Variants in GPR180 observed in about 807,000 individuals in gnomAD.
The protein encoded by GPR180 is integral membrane protein GPR180.
A neutral mutation model predicts 52.6 loss-of-function variants in GPR180; 53 were observed. The ratio of observed to expected loss-of-function variants is 1.01; its 90% confidence interval spans 0.81 to 1.27. The LOEUF (loss-of-function observed/expected upper bound fraction) is 1.27. Among genes scored for constraint, GPR180 ranks in the 50% most tolerant of loss-of-function variants. The pLI is 0.00. For missense variants in GPR180, 533 were observed against 527.0 expected (o/e 1.01, Z -0.11); for synonymous variants, 200 against 193.1 (o/e 1.04, Z -0.30).
At chr13:94,613,251 G>A (rs932267753) in intron 3 of GPR180, among the ~76,000 whole-genome samples, 1 of 152,156 alleles carries the variant, frequency 6.6e-6, no homozygotes, top group African/African-American at 2.4e-5. Context: ...CATAGAGTGG[G>A]GTGGGTGGAG....
At chr13:94,613,484 G>T (rs568467844) in intron 3 of GPR180, among the ~76,000 whole-genome samples, 1 of 152,192 alleles carries the variant, frequency 6.6e-6, no homozygotes, top group South Asian at 2.1e-4. Flanking sequence ...ACGGGGTCTC[G>T]CTATGTTGCC....
chr13:94,633,624 T>C lies in GPR180; in HGVS notation c.*6453T>C, dbSNP rs2138576031. ...AGAAATTGGTCATTTGTGATATGAG[T>C]CTGAACTGTGTTTCTCAATTTGTGA... On this transcript the variant is annotated 3_prime_UTR_variant, in exon 9 of 9. Transcript: ENST00000376958. The C allele has an allele frequency of 6.6e-6, 1 of 152,214 alleles. No homozygotes were observed. The allele number at this position is 152,214 out of a possible 1,614,324, so 9.4% of individuals were successfully genotyped here.
chr13:94,626,270 T>C (rs1482541285), intron 8 of GPR180, among the ~76,000 whole-genome samples: 1 of 152,154 alleles, frequency 6.6e-6, no homozygotes, highest in African/African-American at 2.4e-5. Flanking sequence ...TGTACTACAA[T>C]AGATAATTTT....
At chr13:94,621,814 T>G (rs1433684984) in intron 6 of GPR180, among the ~76,000 whole-genome samples, 1 of 152,140 alleles carries the variant, frequency 6.6e-6, no homozygotes, top group Non-Finnish European at 1.5e-5. Context: ...TATTTTCCTC[T>G]ATATTAATAG....
At position 94,619,141 on chromosome 13, in the gene GPR180, TC is replaced by T. The variant is rs764195239; in HGVS notation, c.506-8del. 1.9e-6 allele frequency: 3 copies of T among 1,603,060 alleles called. No homozygotes were observed. The Admixed American group carries it at 5.2e-5, about 28-fold the overall frequency. ...TTACTGAAGCAAACTCCCTTTCTTC[TC>T]TTCACAGGGTTACATGAGTTCTTTT... On this transcript the variant is annotated splice_region_variant and splice_polypyrimidine_tract_variant and intron_variant, in intron 3 of 8. Coordinates refer to ENST00000376958, the MANE Select transcript of GPR180 (RefSeq NM_180989.6).
At position 94,629,514 on chromosome 13, in the gene GPR180, CTGAGTA is replaced by C. The variant is rs1889966944; in HGVS notation, c.*2345_*2350del. On this transcript the variant is annotated 3_prime_UTR_variant, in exon 9 of 9. Coordinates refer to ENST00000376958, the MANE Select transcript of GPR180 (RefSeq NM_180989.6). ...TTGTGATAACCAGGCTCCCATTTAA[CTGAGTA>C]TAAGAGAGAATAAATGATTTCTCTA... The C allele has an allele frequency of 6.6e-6, 1 of 152,116 alleles. No individual in the cohort carries two copies. The highest frequency in any genetic ancestry group is 2.4e-5 in the African/African-American group (1 of 41,424). 9.4% of individuals were successfully genotyped at this position (152,116 alleles called of 1,614,324 possible). A position where few individuals can be genotyped will look rare whatever the true frequency, so the allele number is the denominator to read the frequency against.
chr13:94,620,229 A>G (rs903261822), intron 5 of GPR180, among the ~76,000 whole-genome samples: 3 of 152,138 alleles, frequency 2.0e-5, no homozygotes, highest in Admixed American at 6.6e-5. Flanking sequence ...TTCCTATTAT[A>G]ATTCCACTCT....
Position 94,617,986 on chromosome 13 carries a change from A to AAAAGATTGCAC in GPR180, c.506-1164_506-1163insAAAGATTGCAC, listed in dbSNP as rs568923026. ...TGAAATTTCTGAAAAATGGAGACTC[A>AAAAGATTGCAC]GTCAAAAGATTGCACGTGAACACAG... On this transcript the variant is annotated intron_variant, in intron 3 of 8. Coordinates refer to ENST00000376958, the MANE Select transcript of GPR180 (RefSeq NM_180989.6). Among the ~76,000 whole-genome samples, 893 of 152,328 alleles carry AAAAGATTGCAC rather than the reference A, an allele frequency of 5.9e-3. 9 individuals carry two copies. The highest frequency in any genetic ancestry group is 0.02 in the African/African-American group (827 of 41,572).
chr13:94,617,708 G>T (rs1889796429), intron 3 of GPR180, among the ~76,000 whole-genome samples: 1 of 152,034 alleles, frequency 6.6e-6, no homozygotes. Context: ...CCACATAATA[G>T]AAATATTTTC....
rs1450941988 is a variant in GPR180 at position 94,627,076 on chromosome 13, C to T, written c.1228C>T (p.Leu410=). ...VSMVILYRLF[L]SHSLYWEVSS... ...CATGGTTATTCTCTACAGACTCTTT[C>T]TGTCTCACAGTCTATACTGGGAAGT... is the stretch of plus-strand genomic sequence containing the variant. Residue 410 remains leucine (L), a synonymous_variant, in exon 9 of 9, where the codon CTG becomes TTG. Coordinates refer to ENST00000376958, the MANE Select transcript of GPR180 (RefSeq NM_180989.6). 4 of 1,611,364 alleles carry T rather than the reference C, an allele frequency of 2.5e-6. No individual in the cohort carries two copies. The Admixed American group carries it at 5.0e-5, about 20-fold the overall frequency.
At chr13:94,608,893 T>G (rs905243158) in intron 2 of GPR180, among the ~76,000 whole-genome samples, 16 of 152,188 alleles carry the variant, frequency 1.1e-4, no homozygotes, top group Admixed American at 3.3e-4. Flanking sequence ...AATTAATGTT[T>G]GAAAAATTAT....
At chr13:94,605,581 A>G (rs1218849170) in intron 2 of GPR180, 32 bp downstream of exon 2, 3 of 1,580,562 alleles carry the variant, frequency 1.9e-6, no homozygotes, top group Admixed American at 1.8e-5. Context: ...TGATCATTAG[A>G]TATAGTTTTT....
Position 94,630,072 on chromosome 13 carries a change from G to A in GPR180, c.*2901G>A, listed in dbSNP as rs917992663. The stretch of plus-strand genomic sequence containing the variant: ...TTGAGAATTGATATGATTGTTAGAA[G>A]TAGCCAGATACGAAGAGGTAATACT... On this transcript the variant is annotated 3_prime_UTR_variant, in exon 9 of 9. Coordinates refer to ENST00000376958, the MANE Select transcript of GPR180 (RefSeq NM_180989.6). 1.3e-5 allele frequency: 2 copies of A among 152,224 alleles called. No individual in the cohort carries two copies. Among genetic ancestry groups the A allele is most frequent in the African/African-American group, 2.4e-5 (1 of 41,468 alleles). The allele number at this position is 152,224 out of a possible 1,614,324, so 9.4% of individuals were successfully genotyped here.
rs906145924 is a variant in GPR180, at chr13:94,633,922, A to T, written c.*6751A>T. The T allele has an allele frequency of 2.0e-5, 3 of 151,790 alleles. No homozygotes were observed. Among genetic ancestry groups the T allele is most frequent in the African/African-American group, 4.8e-5 (2 of 41,292 alleles). The allele number at this position is 151,790 out of a possible 1,614,324, so 9.4% of individuals were successfully genotyped here. ...ATTTTTTTCAGATGGTTGTTGACTTATTGCAATATCATGTGTTATATAATC... is the reference window on the plus strand; with the variant it reads ...ATTTTTTTCAGATGGTTGTTGACTTTTTGCAATATCATGTGTTATATAATC... On this transcript the variant is annotated 3_prime_UTR_variant, in exon 9 of 9. Transcript: ENST00000376958.
At chr13:94,605,369 T>C in intron 1 of GPR180, 22 bp from the exon 2 acceptor site, 1 of 1,613,212 alleles carries the variant, frequency 6.2e-7, no homozygotes, top group Non-Finnish European at 8.5e-7. Context: ...AACTAGTTGA[T>C]GATTTTTGTT....
At chr13:94,612,713 A>G (rs11839030) in intron 3 of GPR180, among the ~76,000 whole-genome samples, 1 of 152,198 alleles carries the variant, frequency 6.6e-6, no homozygotes, top group Non-Finnish European at 1.5e-5. Context: ...ACAGGAAACA[A>G]CTTGTGTAGT....
Position 94,602,014 on chromosome 13 carries a change from C to G in GPR180, c.87C>G (p.Phe29Leu). Reference protein sequence around the residue: ...GSQGKTLRGSFSSTAAQDAQG... With the variant: ...GSQGKTLRGSLSSTAAQDAQG... ...AGGGTAAGACCCTGCGGGGCAGCTT[C>G]AGCAGCACCGCGGCCCAGGACGCCC... is the stretch of plus-strand genomic sequence containing the variant. Residue 29 changes from phenylalanine (F) to leucine (L), a missense_variant, in exon 1 of 9, where the codon TTC becomes TTG. Phe to Leu is a conservative substitution (Grantham distance 22, BLOSUM62 0). Coordinates refer to ENST00000376958, the MANE Select transcript of GPR180 (RefSeq NM_180989.6). The G allele has an allele frequency of 6.8e-7, 1 of 1,469,956 alleles. No homozygotes were observed. The highest frequency in any genetic ancestry group is 9.0e-7 in the Non-Finnish European group (1 of 1,111,744). The allele number at this position is 1,469,956 out of a possible 1,614,324, so 91.1% of individuals were successfully genotyped here.
intron 2 of GPR180, among the ~76,000 whole-genome samples, chr13:94,607,745 A>T (rs886202130): frequency 6.6e-6 from 1 of 152,198 alleles, no homozygotes; most frequent in Non-Finnish European, 1.5e-5. Flanking sequence ...AGGCTGGTGG[A>T]GGTGACCAGA....
intron 7 of GPR180, 93 bp from the exon 8 acceptor site, chr13:94,625,873 A>C: frequency 1.3e-6 from 1 of 791,566 alleles, no homozygotes; most frequent in Non-Finnish European, 2.1e-6. Flanking sequence ...GAGGTTAATC[A>C]GAACCTAAAA....
Sources: allele counts gnomAD v4.1 joint callset (sites outside exome capture counted in the v4.1 genomes callset), GRCh38; gene constraint gnomAD v4.1.1; transcripts MANE v1.5; gene names NCBI Gene and HGNC (gene_info 2026-07-23, HGNC 2026-07-21).